STIL: variants seen among roughly 807,000 people sequenced by gnomAD.
STIL encodes the protein STIL centriolar assembly protein, also known as SCL-interrupting locus protein.
Under a neutral mutation model 110.1 loss-of-function variants are expected in STIL, and 55 were observed. That is an observed-to-expected ratio of 0.50 (90% CI 0.40 to 0.63). STIL has a LOEUF of 0.63. STIL is among the 20% of genes least tolerant of loss of function. The pLI, the probability that STIL is intolerant of heterozygous loss-of-function variation, is 0.00. For synonymous variants in STIL, 481 were observed against 530.0 expected, an observed-to-expected ratio of 0.91 and a Z score of 1.27; for missense variants, 1,358 against 1,530.0, an observed-to-expected ratio of 0.89 and a Z score of 1.87.
Position 47,272,248 on chromosome 1 carries a change from C to T in STIL, c.2218-7G>A. 6.2e-7 allele frequency: 1 copy of T among 1,613,974 alleles called. No individual in the cohort carries two copies. The highest frequency in any genetic ancestry group is 8.5e-7 in the Non-Finnish European group (1 of 1,179,972). On this transcript the variant is annotated splice_polypyrimidine_tract_variant and splice_region_variant and intron_variant, in intron 12 of 16. Transcript: ENST00000371877. The stretch of plus-strand genomic sequence containing the variant: ...CTTCCAACAAACGCTGAATCTGTAT[C>T]AATTAAAAACATACTTTAAACTGAC...
At chr1:47,260,216 A>T in intron 16 of STIL, 73 bp downstream of exon 16, 1 of 1,421,250 alleles carries the variant, frequency 7.0e-7, no homozygotes, top group South Asian at 1.4e-5. Context: ...CTAGCCAATG[A>T]TGGGCAAAAA....
rs1645821668 is a variant in STIL, at chr1:47,302,113, G to A, written c.265+121C>T. On this transcript the variant is annotated intron_variant, in intron 4 of 16. Coordinates refer to ENST00000371877, the MANE Select transcript of STIL (RefSeq NM_001048166.1). ...AAAAATGTTTTCTTGTACTGATGGA[G>A]TCTTACTATGTTATGCAAGCTGGTC... The A allele has an allele frequency of 1.5e-5, 11 of 743,138 alleles. No individual in the cohort carries two copies. The East Asian group carries it at 2.4e-4, about 16-fold the overall frequency. 46.0% of individuals were successfully genotyped at this position (743,138 alleles called of 1,614,324 possible).
At chr1:47,262,812 C>G (rs777769889) in intron 15 of STIL, 91 bp downstream of exon 15, 5 of 1,192,192 alleles carry the variant, frequency 4.2e-6, no homozygotes, top group Non-Finnish European at 6.2e-6. Flanking sequence ...ATCTTAAGGT[C>G]TCAATCAGTT....
intron 12 of STIL, among the ~76,000 whole-genome samples, chr1:47,277,670 A>T (rs1017826598): frequency 6.6e-6 from 1 of 152,180 alleles, no homozygotes; most frequent in African/African-American, 2.4e-5. Flanking sequence ...ATTTTGCCTG[A>T]GTGACGAGAT....
chr1:47,308,945 G>A (rs1294034328), intron 2 of STIL, among the ~76,000 whole-genome samples: 1 of 151,644 alleles, frequency 6.6e-6, no homozygotes, highest in African/African-American at 2.4e-5. Context: ...CCAGCTACTC[G>A]AGTGGCTGAG....
intron 5 of STIL, 121 bp downstream of exon 5, chr1:47,301,440 C>T: frequency 8.7e-7 from 1 of 1,148,012 alleles, no homozygotes; most frequent in Non-Finnish European, 1.3e-6. Flanking sequence ...ATTTTAGGTT[C>T]ACAATAATTC....
In STIL at chr1:47,263,053, C is replaced by T; in HGVS notation, c.2679G>A (p.Leu893=). 6.2e-7 allele frequency: 1 copy of T among 1,614,160 alleles called. No individual in the cohort carries two copies. Among genetic ancestry groups the T allele is most frequent in the Non-Finnish European group, 8.5e-7 (1 of 1,180,032 alleles). ...GTAAACACATGCTTACACTTTCTGC[C>T]AGCTGGCCACTTGGAAAGAACACAG... ...DVPVFFPSGQ[L]AESVSMCLQT... is the part of the protein sequence containing the mutation. Residue 893 remains leucine, a synonymous_variant, in exon 15 of 17, where the codon CTG becomes CTA. Coordinates refer to ENST00000371877, the MANE Select transcript of STIL (RefSeq NM_001048166.1).
At chr1:47,278,222 T>C (rs115664513) in intron 12 of STIL, among the ~76,000 whole-genome samples, 1,908 of 152,300 alleles carry the variant, frequency 0.013, 41 homozygotes, top group African/African-American at 0.043. Flanking sequence ...CTTTAAATGG[T>C]TGAAATAATC....
intron 13 of STIL, 50 bp downstream of exon 13, chr1:47,272,026 A>G: frequency 6.3e-7 from 1 of 1,592,106 alleles, no homozygotes; most frequent in East Asian, 2.3e-5. Flanking sequence ...ACCAGATATG[A>G]AAAGCATTTT....
At position 47,301,735 on chromosome 1, in the gene STIL, T is replaced by G. The variant is rs1174731720; in HGVS notation, c.279A>C (p.Val93=). 2 of 1,613,822 alleles carry G rather than the reference T, an allele frequency of 1.2e-6. No homozygotes were observed. The change falls in exon 5 of 17, where the codon GTA becomes GTC. Residue 93 remains valine (V), a synonymous_variant. Transcript: ENST00000371877. ...SLTADEDEEG[V]TLTVDRFDPG... ...GATCAAAGCGATCTACTGTCAATGT[T>G]ACACCTTCTTCATCTGTAGAACAAA...
chr1:47,262,999 G>T lies in STIL; in HGVS notation c.2733C>A (p.Asn911Lys). The change falls in exon 15 of 17, where the codon AAC becomes AAA. Residue 911 changes from asparagine (N) to lysine (K), a missense_variant. Physicochemically the swap from Asn to Lys is moderately conservative, Grantham distance 94 (BLOSUM62 0). Transcript: ENST00000371877. ...TTGGTTCCTCTGATGTTTCAGAATT[G>T]TTACTGGCACCCCCTGTTGGTCCAG... ...LQTGPTGGAS[N>K]NSETSEEPKI... The T allele has an allele frequency of 6.2e-7, 1 of 1,614,128 alleles. No homozygotes were observed. The highest frequency in any genetic ancestry group is 8.5e-7 in the Non-Finnish European group (1 of 1,180,024).
At chr1:47,310,744 G>A (rs1646098683) in intron 1 of STIL, among the ~76,000 whole-genome samples, 1 of 152,048 alleles carries the variant, frequency 6.6e-6, no homozygotes. Context: ...AAATGATTTG[G>A]GCTAGATATT....
At chr1:47,270,024 C>G (rs1006631212) in intron 13 of STIL, among the ~76,000 whole-genome samples, 158 bp from the exon 14 acceptor site, 1 of 151,934 alleles carries the variant, frequency 6.6e-6, no homozygotes, top group Non-Finnish European at 1.5e-5. Context: ...ATCACTTGAG[C>G]TCAGGAGTTC....
chr1:47,272,071 A>G lies in STIL; in HGVS notation c.2383+5T>C, dbSNP rs1644857178. 1.2e-6 allele frequency: 2 copies of G among 1,613,602 alleles called. No homozygotes were observed. The highest frequency in any genetic ancestry group is 1.7e-6 in the Non-Finnish European group (2 of 1,179,842). On this transcript the variant is annotated splice_donor_5th_base_variant and intron_variant, in intron 13 of 16. Transcript: ENST00000371877. Reference sequence around the variant, plus strand: ...CCTTACAAATTAAAAAAAAACTGAAATTACCTGTGCTCACAGCAATGCTTA... The same window carrying G: ...CCTTACAAATTAAAAAAAAACTGAAGTTACCTGTGCTCACAGCAATGCTTA...
At chr1:47,259,334 A>G (rs868112950) in intron 16 of STIL, among the ~76,000 whole-genome samples, 8 of 107,336 alleles carry the variant, frequency 7.5e-5, no homozygotes, top group African/African-American at 2.5e-4. Flanking sequence ...CGTCCAGGCT[A>G]GATAGAGTGC....
At chr1:47,294,062 A>G (rs1004699911) in intron 7 of STIL, among the ~76,000 whole-genome samples, 6 of 152,260 alleles carry the variant, frequency 3.9e-5, no homozygotes, top group African/African-American at 9.6e-5. Context: ...GTAGCAAACT[A>G]TAAGTAGATT....
intron 12 of STIL, among the ~76,000 whole-genome samples, chr1:47,279,083 G>A (rs1645072335): frequency 6.6e-6 from 1 of 152,016 alleles, no homozygotes; most frequent in Admixed American, 6.6e-5. Context: ...GGATCACAAG[G>A]TCAGGAGATC....
Position 47,272,209 on chromosome 1 carries a change from C to T in STIL, c.2250G>A (p.Met750Ile). The change falls in exon 13 of 17, where the codon ATG (methionine) becomes ATA (isoleucine). Residue 750 changes from methionine (M) to isoleucine (I), a missense_variant. Met to Ile is a conservative substitution (Grantham distance 10). Coordinates refer to ENST00000371877, the MANE Select transcript of STIL (RefSeq NM_001048166.1). ...CAGCAGTTGTCTTAGGGGAACAGGG[C>T]ATCAGAGACTGTGCTTCCAACAAAC... Reference protein sequence around the residue: ...IQRLLEAQSLMPCSPKTTAVE... With the variant: ...IQRLLEAQSLIPCSPKTTAVE... The T allele has an allele frequency of 6.2e-7, 1 of 1,614,142 alleles. No homozygotes were observed. The highest frequency in any genetic ancestry group is 8.5e-7 in the Non-Finnish European group (1 of 1,180,026).
Position 47,250,400 on chromosome 1 carries a change from T to TA in STIL, c.*735dup, listed in dbSNP as rs1644154427. 1 of 172,258 alleles carries TA rather than the reference T, an allele frequency of 5.8e-6. No individual in the cohort carries two copies. The highest frequency in any genetic ancestry group is 1.3e-5 in the Non-Finnish European group (1 of 79,452). 10.7% of individuals were successfully genotyped at this position (172,258 alleles called of 1,614,324 possible). A position where few individuals can be genotyped will look rare whatever the true frequency, so the allele number is the denominator to read the frequency against. ...GTGTAAGTTTTTATTAAGTTGTTTT[T>TA]AAAAATAACTTTTCCCTTAAACTTA... On this transcript the variant is annotated 3_prime_UTR_variant, in exon 17 of 17. Coordinates refer to ENST00000371877, the MANE Select transcript of STIL (RefSeq NM_001048166.1).
Sources: allele counts gnomAD v4.1 joint callset (sites outside exome capture counted in the v4.1 genomes callset), GRCh38; gene constraint gnomAD v4.1.1; transcripts MANE v1.5; gene names NCBI Gene and HGNC (gene_info 2026-07-23, HGNC 2026-07-21).